PDZRN4: variants seen among roughly 807,000 people sequenced by gnomAD.
PDZRN4 encodes PDZ domain-containing RING finger protein 4.
PDZRN4 carries 70 observed loss-of-function variants against 99.0 expected under a neutral mutation model. That is an observed-to-expected ratio of 0.71 (90% confidence interval 0.58 to 0.86). The LOEUF is 0.86. Among genes scored for constraint, PDZRN4 ranks in the 40% least tolerant of loss-of-function variants. The probability of loss-of-function intolerance (pLI) is 0.00; values close to 1 mark genes in which losing one functional copy is unlikely to be tolerated. For synonymous variants in PDZRN4, 551 were observed against 501.6 expected (o/e 1.10, Z -1.32); for missense variants, 1,474 against 1,331.2 (o/e 1.11, Z -1.67).
rs563527285 is a variant in PDZRN4 at position 41,574,432 on chromosome 12, G to T, written c.*542G>T. Reference sequence around the variant, plus strand: ...ACATAAATGGTGTTAACATCCCATTGTACATTTAACACATAAATGGCCATT... The same window carrying T: ...ACATAAATGGTGTTAACATCCCATTTTACATTTAACACATAAATGGCCATT... On this transcript the variant is annotated 3_prime_UTR_variant, in exon 10 of 10. Coordinates refer to ENST00000402685, the MANE Select transcript of PDZRN4 (RefSeq NM_001164595.2). 1 of 152,742 alleles carries T rather than the reference G, an allele frequency of 6.5e-6. No individual in the cohort carries two copies. The highest frequency in any genetic ancestry group is 2.1e-4 in the South Asian group (1 of 4,824). 9.5% of individuals were successfully genotyped at this position (152,742 alleles called of 1,614,324 possible).
chr12:41,377,577 T>C (rs1240095797), intron 3 of PDZRN4, among the ~76,000 whole-genome samples: 2 of 151,914 alleles, frequency 1.3e-5, no homozygotes, highest in Non-Finnish European at 2.9e-5. Flanking sequence ...AGCAGGAGAA[T>C]GGTGTGAACC....
At chr12:41,549,237 G>A (rs773486783) in intron 5 of PDZRN4, among the ~76,000 whole-genome samples, 7 of 152,158 alleles carry the variant, frequency 4.6e-5, no homozygotes, top group Non-Finnish European at 8.8e-5. Context: ...AGAGGGAAAG[G>A]TATGAAAGTT....
At chr12:41,371,595 T>A (rs1328968999) in intron 3 of PDZRN4, among the ~76,000 whole-genome samples, 1 of 151,664 alleles carries the variant, frequency 6.6e-6, no homozygotes, top group Non-Finnish European at 1.5e-5. Context: ...AATAAAAGAG[T>A]CTGTAACTGC....
intron 3 of PDZRN4, among the ~76,000 whole-genome samples, chr12:41,304,452 T>C (rs1193850916): frequency 6.6e-6 from 1 of 152,168 alleles, no homozygotes; most frequent in Non-Finnish European, 1.5e-5. Flanking sequence ...TTTTCCAAAC[T>C]TTCCCCCACT....
At chr12:41,428,745 G>A (rs1257718870) in intron 3 of PDZRN4, among the ~76,000 whole-genome samples, 2 of 152,178 alleles carry the variant, frequency 1.3e-5, no homozygotes, top group African/African-American at 4.8e-5. Flanking sequence ...AGAAGAGCAA[G>A]AAATCAACAA....
At position 41,476,873 on chromosome 12, in the gene PDZRN4, T is replaced by A. The variant is rs559089975; in HGVS notation, c.844-29583T>A. Among the ~76,000 whole-genome samples the A allele has an allele frequency of 7.9e-5, 12 of 152,322 alleles. No homozygotes were observed. The South Asian group carries it at 2.5e-3, about 32-fold the overall frequency. On this transcript the variant is annotated intron_variant, in intron 3 of 9. Coordinates refer to ENST00000402685, the MANE Select transcript of PDZRN4 (RefSeq NM_001164595.2). ...TGCAGATGCAAGGCAGGTTACAATTTCTGCCAAGACATTTATCAGTCAAGC... is the reference window on the plus strand; with the variant it reads ...TGCAGATGCAAGGCAGGTTACAATTACTGCCAAGACATTTATCAGTCAAGC...
At chr12:41,372,159 A>T (rs1220529099) in intron 3 of PDZRN4, among the ~76,000 whole-genome samples, 1 of 152,170 alleles carries the variant, frequency 6.6e-6, no homozygotes, top group East Asian at 1.9e-4. Context: ...AAAAAGAAAG[A>T]TAAGATCCTT....
At chr12:41,244,845 C>A (rs368442676) in intron 3 of PDZRN4, among the ~76,000 whole-genome samples, 4 of 126,840 alleles carry the variant, frequency 3.2e-5, no homozygotes, top group Non-Finnish European at 7.0e-5. Flanking sequence ...CCACCGCGCC[C>A]GGCTAATTTT....
chr12:41,366,392 T>C (rs1285831821), intron 3 of PDZRN4, among the ~76,000 whole-genome samples: 1 of 152,102 alleles, frequency 6.6e-6, no homozygotes, highest in Non-Finnish European at 1.5e-5. Flanking sequence ...CTCCAATCTA[T>C]TCACTGACAT....
chr12:41,510,615 T>C (rs182179093), intron 5 of PDZRN4, among the ~76,000 whole-genome samples: 1 of 152,240 alleles, frequency 6.6e-6, no homozygotes, highest in Admixed American at 6.5e-5. Flanking sequence ...ATAAAATAGA[T>C]TGAGGAAGTA....
chr12:41,436,755 G>A (rs994236965), intron 3 of PDZRN4, among the ~76,000 whole-genome samples: 1 of 152,164 alleles, frequency 6.6e-6, no homozygotes, highest in Admixed American at 6.5e-5. Context: ...GAAATGAAAT[G>A]CATTACTTCT....
At chr12:41,374,339 G>C (rs530562063) in intron 3 of PDZRN4, among the ~76,000 whole-genome samples, 4 of 152,240 alleles carry the variant, frequency 2.6e-5, no homozygotes, top group Admixed American at 6.5e-5. Context: ...TTCTGGTCTT[G>C]TGTGCATGTG....
intron 3 of PDZRN4, among the ~76,000 whole-genome samples, chr12:41,212,026 C>T (rs1009769749): frequency 3.3e-5 from 5 of 151,868 alleles, no homozygotes; most frequent in Non-Finnish European, 7.4e-5. Flanking sequence ...TGTCACTGTA[C>T]CCTGGAACAG....
chr12:41,376,755 G>T (rs543754281), intron 3 of PDZRN4, among the ~76,000 whole-genome samples: 1 of 151,868 alleles, frequency 6.6e-6, no homozygotes, highest in African/African-American at 2.4e-5. Flanking sequence ...ACTTACTTTT[G>T]CTTTTGTGGT....
At chr12:41,422,275 T>G (rs1172284006) in intron 3 of PDZRN4, among the ~76,000 whole-genome samples, 2 of 152,184 alleles carry the variant, frequency 1.3e-5, no homozygotes, top group African/African-American at 4.8e-5. Context: ...AAGAGAGTAG[T>G]GTGTATCTGT....
chr12:41,483,995 T>C (rs1031537565), intron 3 of PDZRN4, among the ~76,000 whole-genome samples: 1 of 152,192 alleles, frequency 6.6e-6, no homozygotes, highest in Admixed American at 6.6e-5. Flanking sequence ...CTGAAAAAAA[T>C]CATACATTTT....
chr12:41,445,413 C>T (rs1952716929), intron 3 of PDZRN4, among the ~76,000 whole-genome samples: 1 of 151,992 alleles, frequency 6.6e-6, no homozygotes, highest in South Asian at 2.1e-4. Flanking sequence ...AAAGTGGTTT[C>T]TTTATAAGTG....
chr12:41,252,610 C>T (rs1184787284), intron 3 of PDZRN4, among the ~76,000 whole-genome samples: 2 of 152,040 alleles, frequency 1.3e-5, no homozygotes, highest in Non-Finnish European at 2.9e-5. Context: ...TATGATGGCA[C>T]ACACCTGTAA....
At chr12:41,457,995 G>A (rs201115010) in intron 3 of PDZRN4, among the ~76,000 whole-genome samples, 1 of 152,098 alleles carries the variant, frequency 6.6e-6, no homozygotes, top group Non-Finnish European at 1.5e-5. Context: ...AAAAGGGAGG[G>A]GGAATTGGAC....
Sources: allele counts gnomAD v4.1 joint callset (sites outside exome capture counted in the v4.1 genomes callset), GRCh38; gene constraint gnomAD v4.1.1; transcripts MANE v1.5; gene names NCBI Gene and HGNC (gene_info 2026-07-23, HGNC 2026-07-21).